The following KHDRBS2 variants were observed in gnomAD, a reference collection of about 807,000 sequenced individuals.
The protein encoded by KHDRBS2 is KH domain-containing, RNA-binding, signal transduction-associated protein 2.
KHDRBS2 carries 26 observed loss-of-function variants against 44.3 expected under a neutral mutation model. That is an observed-to-expected ratio of 0.59 (90% CI 0.43 to 0.81). The LOEUF is 0.81. Among genes scored for constraint, KHDRBS2 ranks in the 40% least tolerant of loss-of-function variants. The pLI, the probability that KHDRBS2 is intolerant of heterozygous loss-of-function variation, is 0.00. For synonymous variants in KHDRBS2, 194 were observed against 151.1 expected, an observed-to-expected ratio of 1.28 and a Z score of -2.08; for missense variants, 476 against 433.1, an observed-to-expected ratio of 1.10 and a Z score of -0.88.
intron 6 of KHDRBS2, among the ~76,000 whole-genome samples, chr6:61,764,122 T>C (rs1272176841): frequency 2.0e-5 from 3 of 152,186 alleles, no homozygotes; most frequent in African/African-American, 7.2e-5. Flanking sequence ...CTGAAGACAA[T>C]GGCTTCCAGC....
the KHDRBS2 span, among the ~76,000 whole-genome samples, chr6:61,599,186 G>A: frequency 2.3e-3 from 346 of 152,006 alleles, 5 homozygotes; most frequent in Middle Eastern, 3.4e-3. Flanking sequence ...CACCTGCCTC[G>A]GCCTCCCAAA....
rs1252522828 is a variant in KHDRBS2, at chr6:61,777,468, T to C, written c.811-44704A>G. 2.0e-4 allele frequency among the ~76,000 whole-genome samples: 30 copies of C among 152,202 alleles called. No individual in the cohort carries two copies. In the East Asian group the frequency reaches 4.3e-3, roughly 22 times the overall value. On this transcript the variant is annotated intron_variant, in intron 6 of 8. Transcript: ENST00000281156. ...GGTTATCAACACAGAGAAAGAGTAATGAACTTATTTTGCTTCTCCCTTGCA... is the reference window on the plus strand; with the variant it reads ...GGTTATCAACACAGAGAAAGAGTAACGAACTTATTTTGCTTCTCCCTTGCA...
intron 2 of KHDRBS2, among the ~76,000 whole-genome samples, chr6:62,109,393 C>T (rs1330791517): frequency 6.6e-6 from 1 of 151,712 alleles, no homozygotes; most frequent in African/African-American, 2.4e-5. Flanking sequence ...TAATATCATA[C>T]TTAGTGGGAC....
chr6:62,270,919 T>C (rs1040697468), intron 1 of KHDRBS2, among the ~76,000 whole-genome samples: 1 of 152,132 alleles, frequency 6.6e-6, no homozygotes, highest in Non-Finnish European at 1.5e-5. Context: ...GGTTAGCAGA[T>C]CTGGCACTCA....
intron 1 of KHDRBS2, among the ~76,000 whole-genome samples, chr6:62,227,674 T>C (rs1832135511): frequency 6.6e-6 from 1 of 152,190 alleles, no homozygotes; most frequent in Admixed American, 6.5e-5. Context: ...CATAAATAGT[T>C]GTTTTTATTT....
At position 62,229,282 on chromosome 6, in the gene KHDRBS2, G is replaced by A. The variant is rs1861480; in HGVS notation, c.92-51970C>T. The stretch of plus-strand genomic sequence containing the variant: ...AAGGTCAGGCCTGAAGGGGCACTCG[G>A]TCTACAGTATGCCACGGCTCCTGCG... On this transcript the variant is annotated intron_variant, in intron 1 of 8. Transcript: ENST00000281156. Among the ~76,000 whole-genome samples the A allele has an allele frequency of 9.4e-3, 1,429 of 152,216 alleles. 25 individuals carry two copies. Among genetic ancestry groups the A allele is most frequent in the African/African-American group, 0.033 (1,369 of 41,536 alleles).
the KHDRBS2 span, among the ~76,000 whole-genome samples, chr6:61,553,454 ACTCCTGGATT>A: frequency 6.7e-6 from 1 of 150,312 alleles, no homozygotes; most frequent in Non-Finnish European, 1.5e-5. Flanking sequence ...AAAACCAACA[ACTCCTGGATT>A]CATTCATCAT....
intron 2 of KHDRBS2, among the ~76,000 whole-genome samples, chr6:62,163,628 A>G (rs1818095462): frequency 6.6e-6 from 1 of 152,018 alleles, no homozygotes; most frequent in Non-Finnish European, 1.5e-5. Flanking sequence ...GTCTGTGTCC[A>G]CAATTATCTC....
At chr6:62,280,187 C>T (rs556249063) in intron 1 of KHDRBS2, among the ~76,000 whole-genome samples, 1 of 152,226 alleles carries the variant, frequency 6.6e-6, no homozygotes, top group South Asian at 2.1e-4. Context: ...AGCAGAAAGG[C>T]TGAAGAGATG....
chr6:61,771,351 G>A (rs944891335), intron 6 of KHDRBS2, among the ~76,000 whole-genome samples: 1 of 152,188 alleles, frequency 6.6e-6, no homozygotes, highest in African/African-American at 2.4e-5. Context: ...AACTTTAAAT[G>A]TAAATGGGCT....
At chr6:61,941,985 G>A (rs2127376411) in intron 4 of KHDRBS2, among the ~76,000 whole-genome samples, 1 of 152,018 alleles carries the variant, frequency 6.6e-6, no homozygotes, top group African/African-American at 2.4e-5. Context: ...TATTATTATT[G>A]GGACTTGTTC....
the KHDRBS2 span, among the ~76,000 whole-genome samples, chr6:61,564,076 GGAGAAAACA>G: frequency 6.6e-6 from 1 of 152,040 alleles, no homozygotes; most frequent in African/African-American, 2.4e-5. Context: ...TCGTCAGTTT[GGAGAAAACA>G]AGTAGTTGTC....
intron 7 of KHDRBS2, among the ~76,000 whole-genome samples, chr6:61,717,167 A>C (rs1771577429): frequency 6.6e-6 from 1 of 152,054 alleles, no homozygotes. Context: ...ATACAGATTG[A>C]CTATTTAAAC....
intron 6 of KHDRBS2, among the ~76,000 whole-genome samples, chr6:61,770,388 G>A (rs1324534406): frequency 4.6e-5 from 7 of 152,130 alleles, no homozygotes; most frequent in Admixed American, 2.6e-4. Flanking sequence ...AAACTACTCC[G>A]AGCTACAGGA....
At chr6:62,100,788 G>C (rs1269769873) in intron 2 of KHDRBS2, among the ~76,000 whole-genome samples, 1 of 152,092 alleles carries the variant, frequency 6.6e-6, no homozygotes, top group Non-Finnish European at 1.5e-5. Flanking sequence ...TATGCACTGG[G>C]AAACCAGATA....
At chr6:61,775,273 T>G (rs1297195078) in intron 6 of KHDRBS2, among the ~76,000 whole-genome samples, 4 of 151,982 alleles carry the variant, frequency 2.6e-5, no homozygotes, top group Non-Finnish European at 4.4e-5. Context: ...CTAAACATAG[T>G]ATTGGAATTT....
chr6:61,543,327 A>G, the KHDRBS2 span, among the ~76,000 whole-genome samples: 4 of 152,034 alleles, frequency 2.6e-5, no homozygotes, highest in Non-Finnish European at 5.9e-5. Flanking sequence ...TATCAGAAGA[A>G]GGCATACAAG....
At chr6:62,084,009 T>A (rs1372896037) in intron 2 of KHDRBS2, among the ~76,000 whole-genome samples, 1 of 152,220 alleles carries the variant, frequency 6.6e-6, no homozygotes, top group South Asian at 2.1e-4. Context: ...TTTCTAATTT[T>A]CATACGTTAG....
At chr6:61,545,163 G>T in the KHDRBS2 span, among the ~76,000 whole-genome samples, 1 of 152,006 alleles carries the variant, frequency 6.6e-6, no homozygotes, top group African/African-American at 2.4e-5. Context: ...GTGATAATTG[G>T]GGCTGGGCAT....
Sources: allele counts gnomAD v4.1 joint callset (sites outside exome capture counted in the v4.1 genomes callset), GRCh38; gene constraint gnomAD v4.1.1; transcripts MANE v1.5; gene names NCBI Gene and HGNC (gene_info 2026-07-23, HGNC 2026-07-21).